HSPA12B: variants seen among roughly 807,000 people sequenced by gnomAD.
HSPA12B encodes the protein heat shock 70 kDa protein 12B.
Under a neutral mutation model 69.3 loss-of-function variants are expected in HSPA12B, and 54 were observed. The ratio of observed to expected loss-of-function variants is 0.78; its 90% CI spans 0.63 to 0.98. The LOEUF is 0.98. HSPA12B is among the 50% of genes least tolerant of loss of function. The pLI, the probability that HSPA12B is intolerant of heterozygous loss-of-function variation, is 0.00. For synonymous variants in HSPA12B, 441 were observed against 436.5 expected, an observed-to-expected ratio of 1.01 and a Z score of -0.13; for missense variants, 929 against 999.8, an observed-to-expected ratio of 0.93 and a Z score of 0.96.
Position 3,742,296 on chromosome 20 carries a change from C to T in HSPA12B, c.154C>T (p.Arg52Ter), listed in dbSNP as rs759033425. The T allele has an allele frequency of 2.5e-6, 4 of 1,613,842 alleles. No homozygotes were observed. The highest frequency in any genetic ancestry group is 1.7e-5 in the Admixed American group (1 of 60,008). ...CTTGCACTTGCAGAAACCCGAGGTC[C>T]GAGCCCCCCAGCAGGCCTCCTTCTC... ...TPSQSPKPEV[R>*]APQQASFSVV... is the part of the protein sequence containing the mutation. The change falls in exon 4 of 13, where the codon CGA becomes TGA. Residue 52 changes from arginine (R) to a stop codon, truncating the protein, a stop_gained. Transcript: ENST00000254963. LOFTEE classifies it high-confidence loss of function.
intron 1 of HSPA12B, among the ~76,000 whole-genome samples, chr20:3,733,644 C>T (rs1195596825): frequency 3.3e-5 from 5 of 152,220 alleles, no homozygotes; most frequent in Non-Finnish European, 7.3e-5. Flanking sequence ...ATGGTCCCAT[C>T]TTCTTAAGGG....
At chr20:3,738,522 G>A (rs2088142898) in intron 1 of HSPA12B, 136 bp from the exon 2 acceptor site, 1 of 716,990 alleles carries the variant, frequency 1.4e-6, no homozygotes, top group Non-Finnish European at 2.4e-6. Context: ...AAGAGTTCAC[G>A]GGTGAAACAA....
rs1295889451 is a variant in HSPA12B at position 3,745,135 on chromosome 20, G to C, written c.453+47G>C. On this transcript the variant is annotated intron_variant, in intron 5 of 12. Coordinates refer to ENST00000254963, the MANE Select transcript of HSPA12B (RefSeq NM_052970.5). This position sits in a 1 kb window ranked among gnomAD's most constrained non-coding sequence, Gnocchi z 5.6. Reference sequence around the variant, plus strand: ...AGGGAGGCGGGGCCAGCATGGAAAAGGGCAGGGCTAATGGGGGTGGGTGGG... The same window carrying C: ...AGGGAGGCGGGGCCAGCATGGAAAACGGCAGGGCTAATGGGGGTGGGTGGG... 1 of 1,536,410 alleles carries C rather than the reference G, an allele frequency of 6.5e-7. No homozygotes were observed. The highest frequency in any genetic ancestry group is 8.9e-7 in the Non-Finnish European group (1 of 1,119,728).
chr20:3,747,292 C>T (rs956838312), intron 7 of HSPA12B, among the ~76,000 whole-genome samples: 10 of 152,158 alleles, frequency 6.6e-5, no homozygotes, highest in Admixed American at 5.2e-4. Flanking sequence ...CCAGGCATGA[C>T]CCAGGGCCAG....
intron 1 of HSPA12B, among the ~76,000 whole-genome samples, chr20:3,736,665 G>A (rs77763428): frequency 0.013 from 1,962 of 152,308 alleles, 39 homozygotes; most frequent in African/African-American, 0.045. Flanking sequence ...TCTGCAGACT[G>A]GCTGAGAGAC....
Position 3,746,079 on chromosome 20 carries a change from G to C in HSPA12B, c.675+48G>C, listed in dbSNP as rs770938000. 5 of 1,428,964 alleles carry C rather than the reference G, an allele frequency of 3.5e-6. No individual in the cohort carries two copies. The South Asian group carries it at 5.8e-5, about 16-fold the overall frequency. 88.5% of individuals were successfully genotyped at this position (1,428,964 alleles called of 1,614,324 possible). The stretch of plus-strand genomic sequence containing the variant: ...GAGAACACTGCTCAGGAAGGGCCAG[G>C]CCTGTCCCCATGCTTGCATGCACCC... On this transcript the variant is annotated intron_variant, in intron 7 of 12. Coordinates refer to ENST00000254963, the MANE Select transcript of HSPA12B (RefSeq NM_052970.5).
At chr20:3,751,010 T>G in intron 12 of HSPA12B, 103 bp downstream of exon 12, 1 of 997,542 alleles carries the variant, frequency 1.0e-6, no homozygotes, top group South Asian at 1.3e-5. Flanking sequence ...ATCCATACAC[T>G]GTGATGAGAC....
Position 3,748,253 on chromosome 20 carries a change from C to T in HSPA12B, c.712C>T (p.Leu238Phe), listed in dbSNP as rs2088343083. 1.9e-6 allele frequency: 3 copies of T among 1,598,636 alleles called. No individual in the cohort carries two copies. The highest frequency in any genetic ancestry group is 2.6e-6 in the Non-Finnish European group (3 of 1,171,518). The change falls in exon 8 of 13, where the codon CTC becomes TTC. Residue 238 changes from leucine (L) to phenylalanine (F), a missense_variant. Physicochemically the swap from Leu to Phe is conservative, Grantham distance 22. Transcript: ENST00000254963. ...LVSRENAEQL[L>F]IALEPEAASV... ...GTCCCGAGAGAATGCAGAGCAGCTA[C>T]TCATCGCCCTGGAGCCCGAGGCCGC...
rs554545359 is a variant in HSPA12B, at chr20:3,749,805, C to A, written c.993C>A (p.His331Gln). 6.2e-7 allele frequency: 1 copy of A among 1,608,438 alleles called. No homozygotes were observed. Among genetic ancestry groups the A allele is most frequent in the East Asian group, 2.2e-5 (1 of 44,698 alleles). ...CGGGTVDLTV[H>Q]QLEQPHGTLK... ...GAGGCACCGTGGACCTGACGGTGCA[C>A]CAGCTGGAGCAGCCCCATGGCACCC... The change falls in exon 10 of 13, where the codon CAC (histidine) becomes CAA (glutamine). Residue 331 changes from histidine (H) to glutamine (Q), a missense_variant. His to Gln is a conservative substitution (Grantham distance 24, BLOSUM62 0). Coordinates refer to ENST00000254963, the MANE Select transcript of HSPA12B (RefSeq NM_052970.5). The surrounding 1 kb of genome is among the most constrained non-coding windows in gnomAD (Gnocchi z 5.5).
Position 3,749,406 on chromosome 20 carries a change from T to A in HSPA12B, c.937+88T>A. 8.2e-7 allele frequency: 1 copy of A among 1,218,872 alleles called. No homozygotes were observed. Among genetic ancestry groups the A allele is most frequent in the African/African-American group, 1.5e-5 (1 of 66,908 alleles). 75.5% of individuals were successfully genotyped at this position (1,218,872 alleles called of 1,614,324 possible). A position where few individuals can be genotyped will look rare whatever the true frequency, so the allele number is the denominator to read the frequency against. On this transcript the variant is annotated intron_variant, in intron 9 of 12. Coordinates refer to ENST00000254963, the MANE Select transcript of HSPA12B (RefSeq NM_052970.5). This position sits in a 1 kb window ranked among gnomAD's most constrained non-coding sequence, Gnocchi z 5.5. ...GGGAAGGGCATGTTTGCAAAGCCCG[T>A]CTCTTCCTCCTCCATTCGCTGTACC...
chr20:3,735,284 C>A (rs2088091133), intron 1 of HSPA12B, among the ~76,000 whole-genome samples: 1 of 152,210 alleles, frequency 6.6e-6, no homozygotes, highest in South Asian at 2.1e-4. Context: ...AGAGATGTGG[C>A]ATGATGCACT....
chr20:3,751,968 C>G lies in HSPA12B; in HGVS notation c.1863C>G (p.Asp621Glu). 6.3e-7 allele frequency: 1 copy of G among 1,579,028 alleles called. No individual in the cohort carries two copies. Among genetic ancestry groups the G allele is most frequent in the East Asian group, 2.3e-5 (1 of 43,268 alleles). ...CAAEDARFITDPGVRKCGALS... is the reference protein window; with the variant it reads ...CAAEDARFITEPGVRKCGALS... ...CAGAGGATGCGCGCTTCATCACCGA[C>G]CCCGGCGTGCGCAAATGCGGCGCGC... Residue 621 changes from aspartate to glutamate, a missense_variant, in exon 13 of 13, where the codon GAC (aspartate) becomes GAG (glutamate). Asp to Glu is a conservative substitution (Grantham distance 45). This residue lies in a region of HSPA12B where 448 missense variants were observed against 448.1 expected (regional missense o/e 1.00). Transcript: ENST00000254963.
intron 12 of HSPA12B, 155 bp from the exon 13 acceptor site, chr20:3,751,352 CAAAG>C (rs2088416678): frequency 3.0e-6 from 3 of 985,488 alleles, no homozygotes; most frequent in South Asian, 4.7e-5. Flanking sequence ...CGTGAGCTCT[CAAAG>C]AAAGTGCTCA....
rs1398783335 is a variant in HSPA12B, at chr20:3,737,219, C to G, written c.-17-1439C>G. ...GATCCTCAGCCCACACTTTGAGTAA[C>G]AAAGCTGTTGATGGTTTGAAATATC... On this transcript the variant is annotated intron_variant, in intron 1 of 12. Transcript: ENST00000254963. This position sits in a 1 kb window ranked among gnomAD's most constrained non-coding sequence, Gnocchi z 4.1. Among the ~76,000 whole-genome samples, 1 of 152,210 alleles carries G rather than the reference C, an allele frequency of 6.6e-6. No individual in the cohort carries two copies. The highest frequency in any genetic ancestry group is 1.5e-5 in the Non-Finnish European group (1 of 68,054).
At chr20:3,735,035 G>A (rs548666804) in intron 1 of HSPA12B, among the ~76,000 whole-genome samples, 17 of 152,198 alleles carry the variant, frequency 1.1e-4, no homozygotes, top group Non-Finnish European at 2.2e-4. Flanking sequence ...ACCACACCCA[G>A]CCCTTAACAC....
At position 3,749,876 on chromosome 20, in the gene HSPA12B, C is replaced by G. The variant is rs763089289; in HGVS notation, c.1042+22C>G. ...TCTGGTGAGTAGCCAGGCGGCGCCC[C>G]GGTACCCAGCGCGACCCGGGCTCCG... is the stretch of plus-strand genomic sequence containing the variant. On this transcript the variant is annotated intron_variant, in intron 10 of 12. Transcript: ENST00000254963. This position sits in a 1 kb window ranked among gnomAD's most constrained non-coding sequence, Gnocchi z 5.5. 4 of 1,569,774 alleles carry G rather than the reference C, an allele frequency of 2.5e-6. No individual in the cohort carries two copies. In the African/African-American group the frequency reaches 4.1e-5, roughly 16 times the overall value.
At chr20:3,746,094 T>A in intron 7 of HSPA12B, 63 bp downstream of exon 7, 1 of 1,182,530 alleles carries the variant, frequency 8.5e-7, no homozygotes, top group Non-Finnish European at 1.3e-6. Context: ...TCCCCATGCT[T>A]GCATGCACCC....
At chr20:3,750,515 G>A in intron 11 of HSPA12B, 1 of 271,360 alleles carries the variant, frequency 3.7e-6, no homozygotes, top group Non-Finnish European at 5.6e-6. Flanking sequence ...CCCACCCCGG[G>A]CCCTGCGGGC....
Position 3,746,416 on chromosome 20 carries a change from C to CCT in HSPA12B, c.675+387_675+388dup, listed in dbSNP as rs1424610943. Among the ~76,000 whole-genome samples, 4 of 151,108 alleles carry CCT rather than the reference C, an allele frequency of 2.6e-5. No individual in the cohort carries two copies. The East Asian group carries it at 7.9e-4, about 30-fold the overall frequency. ...CTCCCAGGTTCACGCCATTCTCCTG[C>CCT]CTCAGCCTCCCGAGTAGCTGGGACT... On this transcript the variant is annotated intron_variant, in intron 7 of 12. Coordinates refer to ENST00000254963, the MANE Select transcript of HSPA12B (RefSeq NM_052970.5).
Sources: gnomAD v4.1 joint callset for allele counts (sites outside exome capture counted in the v4.1 genomes callset) on GRCh38, gnomAD v4.1.1 for gene constraint, gnomAD v4.1.1 regional missense constraint, Gnocchi (gnomAD v3.1) non-coding constraint, MANE v1.5 for transcripts, NCBI Gene and HGNC (gene_info 2026-07-23, HGNC 2026-07-21) for gene names.